The following SPTAN1 variants were observed in gnomAD, a reference collection of about 807,000 sequenced individuals.
SPTAN1 encodes the protein spectrin alpha chain, non-erythrocytic 1.
Under a neutral mutation model 331.3 loss-of-function variants are expected in SPTAN1, and 61 were observed. The observed-to-expected ratio is 0.18, with a 90% CI of 0.15 to 0.23. SPTAN1 has a LOEUF of 0.23. Ranked by LOEUF, SPTAN1 falls within the 10% of genes least tolerant of loss-of-function variation. The probability of loss-of-function intolerance (pLI) is 1.00; values close to 1 mark genes in which losing one functional copy is unlikely to be tolerated. For synonymous variants in SPTAN1, 1,153 were observed against 1,173.9 expected, an observed-to-expected ratio of 0.98 and a Z score of 0.36; for missense variants, 2,043 against 3,147.9, an observed-to-expected ratio of 0.65 and a Z score of 8.40.
chr9:128,585,229 A>G (rs1347545548), intron 18 of SPTAN1, among the ~76,000 whole-genome samples: 1 of 152,024 alleles, frequency 6.6e-6, no homozygotes, highest in African/African-American at 2.4e-5. Context: ...GGGTTTCACC[A>G]TATTGGTCAG....
intron 22 of SPTAN1, 112 bp downstream of exon 22, chr9:128,591,737 T>C: frequency 7.5e-7 from 1 of 1,333,782 alleles, no homozygotes; most frequent in Non-Finnish European, 1.0e-6. Context: ...CCTGCACGCC[T>C]CCTGCTGTCT....
chr9:128,620,574 T>C (rs903508260), intron 44 of SPTAN1, among the ~76,000 whole-genome samples: 2 of 152,002 alleles, frequency 1.3e-5, no homozygotes, highest in African/African-American at 4.8e-5. Flanking sequence ...AAAAATTAGC[T>C]GGGTGTGGTG....
rs757363973 is a variant in SPTAN1 at position 128,632,526 on chromosome 9, C to T, written c.7013+42C>T. The T allele has an allele frequency of 1.5e-5, 24 of 1,613,932 alleles. 1 individual carries two copies. Among genetic ancestry groups the T allele is most frequent in the East Asian group, 8.9e-5 (4 of 44,890 alleles). On this transcript the variant is annotated intron_variant, in intron 54 of 56. Coordinates refer to ENST00000372739, the MANE Select transcript of SPTAN1 (RefSeq NM_001130438.3). Reference sequence around the variant, plus strand: ...TCGCCCTGGCTGGGTGGGGGGTGTTCGGCAGCAGGGCTGCCTGCTGAGCCG... The same window carrying T: ...TCGCCCTGGCTGGGTGGGGGGTGTTTGGCAGCAGGGCTGCCTGCTGAGCCG...
At chr9:128,616,505 G>A (rs993987009) in intron 41 of SPTAN1, among the ~76,000 whole-genome samples, 6 of 151,568 alleles carry the variant, frequency 4.0e-5, no homozygotes, top group Admixed American at 2.0e-4. Flanking sequence ...AGTGGCTCAC[G>A]CCTGTGATCA....
At chr9:128,563,616 C>T (rs563422540) in intron 1 of SPTAN1, among the ~76,000 whole-genome samples, 16 of 152,140 alleles carry the variant, frequency 1.1e-4, no homozygotes, top group South Asian at 4.1e-4. Context: ...CTGAAAGATT[C>T]GTTATGGAGC....
At chr9:128,612,306 G>GGTC in intron 39 of SPTAN1, 60 bp downstream of exon 39, 1 of 1,610,516 alleles carries the variant, frequency 6.2e-7, no homozygotes, top group East Asian at 2.2e-5. Context: ...TGGCACAGTG[G>GGTC]GTCCATCAGT....
At chr9:128,607,201 A>T (rs1856006796) in intron 31 of SPTAN1, among the ~76,000 whole-genome samples, 1 of 151,548 alleles carries the variant, frequency 6.6e-6, no homozygotes, top group African/African-American at 2.4e-5. Context: ...ACAGGGTTGC[A>T]CCACATTGCC....
chr9:128,626,279 G>C, intron 48 of SPTAN1, 112 bp from the exon 49 acceptor site: 1 of 1,331,120 alleles, frequency 7.5e-7, no homozygotes, highest in South Asian at 1.2e-5. Context: ...TAAGCTCCCA[G>C]CAGGCTGTGT....
Position 128,629,969 on chromosome 9 carries a change from AT to A in SPTAN1, c.6708-351del, listed in dbSNP as rs1355645791. 1 of 393,880 alleles carries A rather than the reference AT, an allele frequency of 2.5e-6. No homozygotes were observed. Among genetic ancestry groups the A allele is most frequent in the East Asian group, 6.3e-5 (1 of 15,762 alleles). 24.4% of individuals were successfully genotyped at this position (393,880 alleles called of 1,614,324 possible). On this transcript the variant is annotated intron_variant, in intron 51 of 56. Transcript: ENST00000372739. The surrounding 1 kb of genome is among the most constrained non-coding windows in gnomAD (Gnocchi z 4.9). The stretch of plus-strand genomic sequence containing the variant: ...TGTCTGTCAGGTGTCAGGGTGTGCC[AT>A]CCCCCACATGGCTGCAGAGAGGATG...
chr9:128,576,464 A>G (rs1851315326), intron 5 of SPTAN1, among the ~76,000 whole-genome samples: 1 of 152,240 alleles, frequency 6.6e-6, no homozygotes, highest in Non-Finnish European at 1.5e-5. Context: ...TAACAGCCTC[A>G]TGAACATCTG....
At chr9:128,553,260 GTC>G (rs934714578) in intron 1 of SPTAN1, 1 of 152,280 alleles carries the variant, frequency 6.6e-6, no homozygotes, top group African/African-American at 2.4e-5. Context: ...AATCTCTGCC[GTC>G]TCTCTGAACG....
chr9:128,594,484 G>A (rs1332019296), intron 24 of SPTAN1, 111 bp downstream of exon 24: 10 of 1,079,422 alleles, frequency 9.3e-6, no homozygotes, highest in East Asian at 2.6e-5. Context: ...AAGCTGGAGT[G>A]CAGTGGTATG....
chr9:128,598,363 A>G (rs752881438), intron 24 of SPTAN1, 37 bp from the exon 25 acceptor site: 7 of 1,538,404 alleles, frequency 4.6e-6, no homozygotes, highest in South Asian at 1.1e-5. Context: ...TTGGCTTGCT[A>G]TTTTGGGTTT....
rs750635508 is a variant in SPTAN1, at chr9:128,626,640, A to G, written c.6529A>G (p.Met2177Val). 10 of 1,613,596 alleles carry G rather than the reference A, an allele frequency of 6.2e-6. No homozygotes were observed. Among genetic ancestry groups the G allele is most frequent in the Non-Finnish European group, 6.8e-6 (8 of 1,179,826 alleles). ...VASNPYTWFTMEALEETWRNL... is the reference protein window; with the variant it reads ...VASNPYTWFTVEALEETWRNL... Reference sequence around the variant, plus strand: ...CTCCAACCCCTACACCTGGTTTACCATGGAGGCCCTGGAGGAGACCTGGAG... The same window carrying G: ...CTCCAACCCCTACACCTGGTTTACCGTGGAGGCCCTGGAGGAGACCTGGAG... The change falls in exon 49 of 57, where the codon ATG becomes GTG. Residue 2177 changes from methionine to valine, a missense_variant. Physicochemically the swap from Met to Val is conservative, Grantham distance 21. Around this residue, in one of 12 missense-constraint regions of SPTAN1, gnomAD observed 256 missense variants for 376.4 expected, o/e 0.68. Coordinates refer to ENST00000372739, the MANE Select transcript of SPTAN1 (RefSeq NM_001130438.3).
chr9:128,552,812 C>G lies in SPTAN1; in HGVS notation c.-4+116C>G, dbSNP rs1848276685. ...GGGGCCGGCGCGCGGACAGGTGAGC[C>G]GGGCGGGCCGCGGGGCTGCCTCCAT... On this transcript the variant is annotated intron_variant, in intron 1 of 56. Coordinates refer to ENST00000372739, the MANE Select transcript of SPTAN1 (RefSeq NM_001130438.3). This position sits in a 1 kb window ranked among gnomAD's most constrained non-coding sequence, Gnocchi z 4.6. The G allele has an allele frequency of 6.6e-6, 1 of 151,994 alleles. No individual in the cohort carries two copies. Among genetic ancestry groups the G allele is most frequent in the Non-Finnish European group, 1.5e-5 (1 of 68,058 alleles). 9.4% of individuals were successfully genotyped at this position (151,994 alleles called of 1,614,324 possible). A position where few individuals can be genotyped will look rare whatever the true frequency, so the allele number is the denominator to read the frequency against.
intron 35 of SPTAN1, 65 bp from the exon 36 acceptor site, chr9:128,609,057 T>G (rs1344052862): frequency 2.5e-6 from 4 of 1,613,956 alleles, no homozygotes; most frequent in Non-Finnish European, 3.4e-6. Flanking sequence ...GCCTGTTCTG[T>G]CTCCCCACTT....
rs555169578 is a variant in SPTAN1 at position 128,598,843 on chromosome 9, G to C, written c.3520-120G>C. The C allele has an allele frequency of 7.7e-6, 7 of 907,050 alleles. No individual in the cohort carries two copies. In the African/African-American group the frequency reaches 1.2e-4, roughly 15 times the overall value. 56.2% of individuals were successfully genotyped at this position (907,050 alleles called of 1,614,324 possible). The stretch of plus-strand genomic sequence containing the variant: ...TGAAGCTCTGCTGGACATTTGGACT[G>C]GCATTTCCATTTGTCCTTTTGGAAT... On this transcript the variant is annotated intron_variant, in intron 25 of 56. Transcript: ENST00000372739.
At chr9:128,621,634 C>T (rs1471079056) in intron 45 of SPTAN1, 2 of 340,172 alleles carry the variant, frequency 5.9e-6, no homozygotes, top group Non-Finnish European at 1.1e-5. Context: ...ATCTTTGTGT[C>T]TGACCTGCCA....
chr9:128,628,112 A>G lies in SPTAN1; in HGVS notation c.6707+170A>G, dbSNP rs773794297. The G allele has an allele frequency of 3.4e-6, 3 of 883,884 alleles. No homozygotes were observed. In the South Asian group the frequency reaches 4.0e-5, roughly 12 times the overall value. The allele number at this position is 883,884 out of a possible 1,614,324, so 54.8% of individuals were successfully genotyped here. On this transcript the variant is annotated intron_variant, in intron 51 of 56. Coordinates refer to ENST00000372739, the MANE Select transcript of SPTAN1 (RefSeq NM_001130438.3). ...TGATGAGGAGTGTGTGCCTTGCCCCATAGCCCATGGTCCCTGGTCCCCGAT... is the reference window on the plus strand; with the variant it reads ...TGATGAGGAGTGTGTGCCTTGCCCCGTAGCCCATGGTCCCTGGTCCCCGAT...
Sources: allele counts gnomAD v4.1 joint callset (sites outside exome capture counted in the v4.1 genomes callset), GRCh38; gene constraint gnomAD v4.1.1; regional missense constraint gnomAD v4.1.1; non-coding constraint Gnocchi (gnomAD v3.1); transcripts MANE v1.5; gene names NCBI Gene and HGNC (gene_info 2026-07-23, HGNC 2026-07-21).